The following NOL6 variants were observed in gnomAD, a reference collection of about 807,000 sequenced individuals.
NOL6 encodes nucleolar RNA-associated protein.
A neutral mutation model predicts 131.7 loss-of-function variants in NOL6; 33 were observed. The observed-to-expected ratio is 0.25, with a 90% CI of 0.19 to 0.33. The LOEUF (loss-of-function observed/expected upper bound fraction) is 0.33. NOL6 is among the 10% of genes least tolerant of loss of function. The pLI is 1.00. For synonymous variants in NOL6, 580 were observed against 605.7 expected, an observed-to-expected ratio of 0.96 and a Z score of 0.62; for missense variants, 1,297 against 1,494.5, an observed-to-expected ratio of 0.87 and a Z score of 2.18.
intron 19 of NOL6, 89 bp from the exon 20 acceptor site, chr9:33,465,448 T>C (rs553386248): frequency 3.1e-5 from 43 of 1,379,654 alleles, no homozygotes; most frequent in Middle Eastern, 1.9e-4. Flanking sequence ...TCAGTGATAA[T>C]AGGTTACATA....
chr9:33,465,720 G>T lies in NOL6; in HGVS notation c.2528+14C>A. 6.2e-7 allele frequency: 1 copy of T among 1,608,052 alleles called. No homozygotes were observed. Among genetic ancestry groups the T allele is most frequent in the African/African-American group, 1.3e-5 (1 of 74,940 alleles). On this transcript the variant is annotated intron_variant, in intron 19 of 25. Coordinates refer to ENST00000297990, the MANE Select transcript of NOL6 (RefSeq NM_022917.5). ...GGGCCTACAGACAGGAAGAAGCTGT[G>T]TCAGTGGCCTTACCCGTGCAGGGCA...
At chr9:33,466,802 C>G in intron 15 of NOL6, 93 bp from the exon 16 acceptor site, 1 of 1,575,316 alleles carries the variant, frequency 6.3e-7, no homozygotes, top group Non-Finnish European at 8.7e-7. Flanking sequence ...AGAGCCAGCA[C>G]CGCCGCCTGC....
chr9:33,464,841 T>G, intron 21 of NOL6, 38 bp downstream of exon 21: 1 of 1,449,832 alleles, frequency 6.9e-7, no homozygotes. Context: ...CATAAAGAGC[T>G]GTTCTTCCAG....
chr9:33,469,856 G>A (rs1436521770), intron 4 of NOL6, 156 bp downstream of exon 4: 10 of 1,010,740 alleles, frequency 9.9e-6, no homozygotes, highest in East Asian at 2.7e-5. Context: ...ACTGGCCCGA[G>A]GGATCTAAGC....
At position 33,463,390 on chromosome 9, in the gene NOL6, G is replaced by C; in HGVS notation, c.3046C>G (p.Pro1016Ala). The change falls in exon 24 of 26, where the codon CCT becomes GCT. Residue 1016 changes from proline to alanine, a missense_variant. Transcript: ENST00000297990. ...TGGCGGTGCCGCGGGATATGGCGAG[G>C]AGACAGGCGAATCAGCACGTCGTAA... The part of the protein sequence containing the change: ...DIYDVLIRLS[P>A]RHIPRHRQAV... 6.2e-7 allele frequency: 1 copy of C among 1,614,108 alleles called. No individual in the cohort carries two copies. The highest frequency in any genetic ancestry group is 8.5e-7 in the Non-Finnish European group (1 of 1,179,970).
rs79160069 is a variant in NOL6 at position 33,473,270 on chromosome 9, T to A, written c.54+519A>T. Among the ~76,000 whole-genome samples, 555 of 152,316 alleles carry A rather than the reference T, an allele frequency of 3.6e-3. 2 individuals carry two copies. The highest frequency in any genetic ancestry group is 4.3e-3 in the Non-Finnish European group (295 of 68,032). ...CTTGAAGACACTTGAAGTCCCACTA[T>A]TCACTCGAGGTTCCACAACTGGTAC... On this transcript the variant is annotated intron_variant, in intron 1 of 25. Coordinates refer to ENST00000297990, the MANE Select transcript of NOL6 (RefSeq NM_022917.5).
chr9:33,467,748 C>A lies in NOL6; in HGVS notation c.1545G>T (p.Glu515Asp). The stretch of plus-strand genomic sequence containing the variant: ...GGTTCAGCCGAGCCCCCAGGCCCTG[C>A]TCCAGGAGGGTGGTCAGGGGGCCCA... ...AALGPLTTLLEQGLGARLNLL... is the reference protein window; with the variant it reads ...AALGPLTTLLDQGLGARLNLL... Residue 515 changes from glutamate to aspartate, a missense_variant, in exon 12 of 26, where the codon GAG becomes GAT. By Grantham distance (45) the Glu-to-Asp change is conservative. Coordinates refer to ENST00000297990, the MANE Select transcript of NOL6 (RefSeq NM_022917.5). This position sits in a 1 kb window ranked among gnomAD's most constrained non-coding sequence, Gnocchi z 4.4. 1 of 1,608,192 alleles carries A rather than the reference C, an allele frequency of 6.2e-7. No individual in the cohort carries two copies. The highest frequency in any genetic ancestry group is 8.5e-7 in the Non-Finnish European group (1 of 1,177,222).
At position 33,466,060 on chromosome 9, in the gene NOL6, A is replaced by C. The variant is rs1187452522; in HGVS notation, c.2364+11T>G. On this transcript the variant is annotated intron_variant, in intron 18 of 25. Coordinates refer to ENST00000297990, the MANE Select transcript of NOL6 (RefSeq NM_022917.5). ...CTTCCCTGGGGACATATCTGCCTGC[A>C]CCAGCCTAACCTTAAGGACATCCGT... is the stretch of plus-strand genomic sequence containing the variant. 1.3e-6 allele frequency: 2 copies of C among 1,571,606 alleles called. No homozygotes were observed. The highest frequency in any genetic ancestry group is 1.7e-6 in the Non-Finnish European group (2 of 1,154,432).
chr9:33,462,079 A>T lies in NOL6; in HGVS notation c.*585T>A. On this transcript the variant is annotated 3_prime_UTR_variant, in exon 26 of 26. Transcript: ENST00000297990. Reference sequence around the variant, plus strand: ...TCCTCGGTTCTTTTCCACTGTCTCCACCCTGGGAAGTGGCATCAACACAGG... The same window carrying T: ...TCCTCGGTTCTTTTCCACTGTCTCCTCCCTGGGAAGTGGCATCAACACAGG... The T allele has an allele frequency of 1.4e-6, 1 of 712,870 alleles. No homozygotes were observed. The highest frequency in any genetic ancestry group is 1.7e-5 in the African/African-American group (1 of 57,258). 44.2% of individuals were successfully genotyped at this position (712,870 alleles called of 1,614,324 possible).
chr9:33,463,028 C>T lies in NOL6; in HGVS notation c.3291+5G>A. The T allele has an allele frequency of 1.9e-6, 3 of 1,611,834 alleles. No homozygotes were observed. Among genetic ancestry groups the T allele is most frequent in the Non-Finnish European group, 2.5e-6 (3 of 1,178,526 alleles). ...CAGGAACACAGCTGTCACCAGCCAG[C>T]ACACCTTGAAGGGCTGCGGCTGGAA... On this transcript the variant is annotated splice_donor_5th_base_variant and intron_variant, in intron 25 of 25. Coordinates refer to ENST00000297990, the MANE Select transcript of NOL6 (RefSeq NM_022917.5).
At chr9:33,464,313 C>A in intron 21 of NOL6, 152 bp from the exon 22 acceptor site, 2 of 1,019,452 alleles carry the variant, frequency 2.0e-6, no homozygotes, top group Non-Finnish European at 2.8e-6. Context: ...ACGAAAGGGA[C>A]ATCGCATTTG....
chr9:33,470,047 C>A lies in NOL6; in HGVS notation c.523G>T (p.Asp175Tyr). 1 of 1,610,488 alleles carries A rather than the reference C, an allele frequency of 6.2e-7. No homozygotes were observed. Among genetic ancestry groups the A allele is most frequent in the Non-Finnish European group, 8.5e-7 (1 of 1,177,818 alleles). ...GTCAGTGCCACATCCACATTGATGT[C>A]TGGTCGGATGCAGGTGCCCAGAAGG... ...SYLLGTCIRP[D>Y]INVDVALTMP... The change falls in exon 4 of 26, where the codon GAC becomes TAC. Residue 175 changes from aspartate (D) to tyrosine (Y), a missense_variant. Coordinates refer to ENST00000297990, the MANE Select transcript of NOL6 (RefSeq NM_022917.5).
intron 1 of NOL6, 67 bp downstream of exon 1, chr9:33,473,722 C>T: frequency 8.3e-6 from 13 of 1,569,480 alleles, no homozygotes; most frequent in Non-Finnish European, 1.1e-5. Flanking sequence ...CAGATCACGC[C>T]ATCTCGGGCC....
At chr9:33,473,159 C>T (rs1453780965) in intron 1 of NOL6, among the ~76,000 whole-genome samples, 1 of 152,030 alleles carries the variant, frequency 6.6e-6, no homozygotes, top group Non-Finnish European at 1.5e-5. Context: ...CCTCAGTTTA[C>T]ACTAAATACT....
Position 33,462,618 on chromosome 9 carries a change from G to T in NOL6, c.*46C>A. ...CATCCTACTGACATCTTGCTCTAGA[G>T]GTCCAATGTCCTGCTGTCCGTCTAC... On this transcript the variant is annotated 3_prime_UTR_variant, in exon 26 of 26. Transcript: ENST00000297990. 6.2e-7 allele frequency: 1 copy of T among 1,605,120 alleles called. No individual in the cohort carries two copies. Among genetic ancestry groups the T allele is most frequent in the Non-Finnish European group, 8.5e-7 (1 of 1,173,392 alleles).
chr9:33,468,798 G>C lies in NOL6; in HGVS notation c.1101C>G (p.Thr367=). 1 of 1,614,192 alleles carries C rather than the reference G, an allele frequency of 6.2e-7. No individual in the cohort carries two copies. The highest frequency in any genetic ancestry group is 1.7e-5 in the Admixed American group (1 of 60,024). Residue 367 remains threonine (T), a synonymous_variant, in exon 8 of 26, where the codon ACC becomes ACG. Coordinates refer to ENST00000297990, the MANE Select transcript of NOL6 (RefSeq NM_022917.5). ...VFLVSTRKIH[T]TMSGYQVLRS... ...TCAGGACCTGGTAGCCACTCATGGT[G>C]GTATGGATCTTGCGTGTAGACACAA... is the stretch of plus-strand genomic sequence containing the variant.
chr9:33,462,940 G>GT, intron 25 of NOL6, 93 bp downstream of exon 25: 1 of 1,538,876 alleles, frequency 6.5e-7, no homozygotes, highest in Non-Finnish European at 8.9e-7. Context: ...CCTGACACGG[G>GT]TTTGCCCATA....
Position 33,462,496 on chromosome 9 carries a change from CAGAG to C in NOL6, c.*164_*167del. On this transcript the variant is annotated 3_prime_UTR_variant, in exon 26 of 26. Transcript: ENST00000297990. ...TGCCCCTGCCCCAATGCTGGAGCAT[CAGAG>C]AGAAAGTTGGGGCTGGGTTTTGTTG... The C allele has an allele frequency of 1.5e-5, 11 of 738,010 alleles. No individual in the cohort carries two copies. The highest frequency in any genetic ancestry group is 1.9e-5 in the South Asian group (1 of 53,890). The allele number at this position is 738,010 out of a possible 1,614,324, so 45.7% of individuals were successfully genotyped here. A position where few individuals can be genotyped will look rare whatever the true frequency, so the allele number is the denominator to read the frequency against.
Position 33,466,423 on chromosome 9 carries a change from C to A in NOL6, c.2094G>T (p.Val698=), listed in dbSNP as rs1437977769. The part of the protein sequence containing the change: ...GAHPVLRYTE[V]FPPTPVRPAF... ...CTGGACGGACTGGAGTTGGTGGGAACACCTGTGGAAGAAGAGGGGCTGAGG... is the reference window on the plus strand; with the variant it reads ...CTGGACGGACTGGAGTTGGTGGGAAAACCTGTGGAAGAAGAGGGGCTGAGG... The change falls in exon 17 of 26, where the codon GTG becomes GTT. Residue 698 remains valine (V), a splice_region_variant and synonymous_variant. Transcript: ENST00000297990. 1 of 1,614,014 alleles carries A rather than the reference C, an allele frequency of 6.2e-7. No individual in the cohort carries two copies.
Sources: gnomAD v4.1 joint callset for allele counts (sites outside exome capture counted in the v4.1 genomes callset) on GRCh38, gnomAD v4.1.1 for gene constraint, Gnocchi (gnomAD v3.1) non-coding constraint, MANE v1.5 for transcripts, NCBI Gene and HGNC (gene_info 2026-07-23, HGNC 2026-07-21) for gene names.